The following CES1 variants were observed in gnomAD, a reference collection of about 807,000 sequenced individuals.
CES1 encodes the protein carboxylesterase 1.
CES1 carries 50 observed loss-of-function variants against 53.0 expected under a neutral mutation model. The observed-to-expected ratio is 0.94, with a 90% CI of 0.75 to 1.19. The LOEUF (loss-of-function observed/expected upper bound fraction) is 1.19. Ranked by LOEUF, CES1 falls within the 50% of genes most tolerant of loss-of-function variation. The pLI, the probability that CES1 is intolerant of heterozygous loss-of-function variation, is 0.00. For missense variants in CES1, 534 were observed against 538.0 expected, an observed-to-expected ratio of 0.99 and a Z score of 0.07; for synonymous variants, 202 against 210.1, an observed-to-expected ratio of 0.96 and a Z score of 0.33.
intron 8 of CES1, among the ~76,000 whole-genome samples, chr16:55,815,514 G>A (rs1481323244): frequency 6.6e-6 from 1 of 152,224 alleles, no homozygotes; most frequent in Non-Finnish European, 1.5e-5. Context: ...TCTCCACTTA[G>A]AGTTTGCAAG....
intron 11 of CES1, among the ~76,000 whole-genome samples, chr16:55,809,968 T>C (rs2031615836): frequency 6.6e-6 from 1 of 152,216 alleles, no homozygotes; most frequent in Non-Finnish European, 1.5e-5. Flanking sequence ...CAGCCTGACT[T>C]CCACCTCCAG....
At chr16:55,810,430 C>T (rs1208621221) in intron 11 of CES1, 87 bp downstream of exon 11, 3 of 1,556,348 alleles carry the variant, frequency 1.9e-6, no homozygotes, top group East Asian at 4.5e-5. Flanking sequence ...TCAGCTGTTT[C>T]CATGTCTGTC....
At chr16:55,824,642 G>T (rs1391367009) in intron 3 of CES1, among the ~76,000 whole-genome samples, 1 of 152,214 alleles carries the variant, frequency 6.6e-6, no homozygotes, top group Non-Finnish European at 1.5e-5. Flanking sequence ...ATGTTGAGCT[G>T]CCCAGCACAC....
At chr16:55,831,290 G>A (rs1368961937) in intron 1 of CES1, among the ~76,000 whole-genome samples, 7 of 152,068 alleles carry the variant, frequency 4.6e-5, no homozygotes, top group African/African-American at 7.3e-5. Flanking sequence ...AGAGTGCTGA[G>A]GACTTCAGGG....
intron 3 of CES1, 21 bp downstream of exon 3, chr16:55,826,130 C>G (rs770144655): frequency 1.2e-6 from 2 of 1,613,954 alleles, no homozygotes. Context: ...CACGCCTTGA[C>G]CAGGGGGTCC....
chr16:55,821,319 T>G, intron 5 of CES1, 49 bp downstream of exon 5: 1 of 1,612,114 alleles, frequency 6.2e-7, no homozygotes, highest in Non-Finnish European at 8.5e-7. Flanking sequence ...AGAGGTCTCA[T>G]CAGCATCACA....
At chr16:55,809,926 G>T (rs2031613563) in intron 11 of CES1, among the ~76,000 whole-genome samples, 1 of 152,206 alleles carries the variant, frequency 6.6e-6, no homozygotes, top group Non-Finnish European at 1.5e-5. Flanking sequence ...TGCTGCCAGG[G>T]TCTCACCTAT....
At chr16:55,810,767 C>G in intron 10 of CES1, 103 bp from the exon 11 acceptor site, 1 of 1,478,434 alleles carries the variant, frequency 6.8e-7, no homozygotes, top group Non-Finnish European at 9.5e-7. Context: ...AAGCCCTGTG[C>G]AACTCCCCGC....
At chr16:55,817,483 T>A (rs1299303875) in intron 7 of CES1, among the ~76,000 whole-genome samples, 1 of 152,234 alleles carries the variant, frequency 6.6e-6, no homozygotes, top group Non-Finnish European at 1.5e-5. Context: ...AAGCCCTGAC[T>A]CACGCAAGCT....
At chr16:55,829,016 GC>G (rs1402560074) in intron 1 of CES1, 42 bp from the exon 2 acceptor site, 11 of 1,561,186 alleles carry the variant, frequency 7.0e-6, no homozygotes, top group Admixed American at 1.9e-5. Context: ...GAGGCAAAAG[GC>G]TGGACCCAGA....
intron 9 of CES1, chr16:55,812,246 A>T (rs2031732492): frequency 6.5e-6 from 1 of 153,440 alleles, no homozygotes; most frequent in South Asian, 2.0e-4. Flanking sequence ...ATTTGTTTCC[A>T]ACTTTTATTT....
At chr16:55,811,602 A>G (rs2031701293) in intron 9 of CES1, among the ~76,000 whole-genome samples, 1 of 152,170 alleles carries the variant, frequency 6.6e-6, no homozygotes, top group African/African-American at 2.4e-5. Flanking sequence ...TGTCCCTAGA[A>G]TGACCCCAGT....
In CES1 at chr16:55,828,988, A is replaced by C; in HGVS notation, c.53-14T>G. The C allele has an allele frequency of 6.3e-7, 1 of 1,590,838 alleles. No individual in the cohort carries two copies. The highest frequency in any genetic ancestry group is 8.6e-7 in the Non-Finnish European group (1 of 1,168,360). On this transcript the variant is annotated splice_polypyrimidine_tract_variant and intron_variant, in intron 1 of 13. Transcript: ENST00000360526. ...ACGGATGCCCTGCTGGACATGGAGA[A>C]TAAATCAGGATGCATCAGAGGCAAA...
At chr16:55,814,914 C>A (rs1200101078) in intron 8 of CES1, among the ~76,000 whole-genome samples, 1 of 152,218 alleles carries the variant, frequency 6.6e-6, no homozygotes, top group Non-Finnish European at 1.5e-5. Flanking sequence ...AGTCCAGCCT[C>A]CTTAAGAGGC....
rs772353635 is a variant in CES1, at chr16:55,821,478, G to C, written c.583C>G (p.Gln195Glu). 5 of 1,614,098 alleles carry C rather than the reference G, an allele frequency of 3.1e-6. No individual in the cohort carries two copies. The highest frequency in any genetic ancestry group is 1.6e-4 in the Middle Eastern group (1 of 6,084). Residue 195 changes from glutamine (Q) to glutamate (E), a missense_variant, in exon 5 of 14, where the codon CAG (glutamine) becomes GAG (glutamate). Physicochemically the swap from Gln to Glu is conservative, Grantham distance 29 (BLOSUM62 2). Transcript: ENST00000360526. ...HSRGNWGHLD[Q>E]VAALRWVQDN... ...TGGACCCAGCGCAGGGCAGCCACCTGGTCCAGGTGACCCCAGTTCCCCCGG... is the reference window on the plus strand; with the variant it reads ...TGGACCCAGCGCAGGGCAGCCACCTCGTCCAGGTGACCCCAGTTCCCCCGG...
intron 8 of CES1, among the ~76,000 whole-genome samples, chr16:55,815,900 G>A (rs2031921799): frequency 6.6e-6 from 1 of 152,264 alleles, no homozygotes; most frequent in African/African-American, 2.4e-5. Context: ...TACTTTAATT[G>A]ATCTCTCTCC....
At position 55,828,949 on chromosome 16, in the gene CES1, C is replaced by G; in HGVS notation, c.78G>C (p.Val26=). ...AWAGHPSSPP[V]VDTVHGKVLG... ...GCACTTTGCCATGCACGGTGTCCAC[C>G]ACAGGTGGCGAGGACGGATGCCCTG... is the stretch of plus-strand genomic sequence containing the variant. The change falls in exon 2 of 14, where the codon GTG becomes GTC. Residue 26 remains valine, a synonymous_variant. Coordinates refer to ENST00000360526, the MANE Select transcript of CES1 (RefSeq NM_001025195.2). The G allele has an allele frequency of 6.2e-7, 1 of 1,612,660 alleles. No individual in the cohort carries two copies.
At chr16:55,809,613 C>T (rs531134749) in intron 11 of CES1, among the ~76,000 whole-genome samples, 2 of 152,180 alleles carry the variant, frequency 1.3e-5, no homozygotes, top group Non-Finnish European at 2.9e-5. Context: ...ATAGACCCTG[C>T]CCTTGCCCTG....
Position 55,826,175 on chromosome 16 carries a change from G to T in CES1, c.381C>A (p.Asp127Glu). 2 of 1,613,992 alleles carry T rather than the reference G, an allele frequency of 1.2e-6. No homozygotes were observed. The highest frequency in any genetic ancestry group is 1.7e-4 in the Middle Eastern group (1 of 6,056). Residue 127 changes from aspartate to glutamate, a missense_variant, in exon 3 of 14, where the codon GAC becomes GAA. By Grantham distance (45) the Asp-to-Glu change is conservative. Transcript: ENST00000360526. The part of the protein sequence containing the change: ...CLYLNIYTPA[D>E]LTKKNRLPVM... ...CCGGCAGCCTGTTTTTCTTGGTCAA[G>T]TCAGCAGGAGTGTAAATATTGAGGT...
Sources: allele counts gnomAD v4.1 joint callset (sites outside exome capture counted in the v4.1 genomes callset), GRCh38; gene constraint gnomAD v4.1.1; transcripts MANE v1.5; gene names NCBI Gene and HGNC (gene_info 2026-07-23, HGNC 2026-07-21).